NRXN1: variants seen among roughly 807,000 people sequenced by gnomAD.
The protein encoded by NRXN1 is neurexin 1, also known as neurexin-1.
NRXN1 carries 39 observed loss-of-function variants against 150.9 expected under a neutral mutation model. The ratio of observed to expected loss-of-function variants is 0.26; its 90% CI spans 0.20 to 0.34. NRXN1 has a LOEUF of 0.34. Among genes scored for constraint, NRXN1 ranks in the 10% least tolerant of loss-of-function variants. NRXN1 has a pLI of 1.00. For missense variants in NRXN1, 1,815 were observed against 1,949.9 expected (o/e 0.93, Z 1.30); for synonymous variants, 924 against 757.0 (o/e 1.22, Z -3.62).
intron 5 of NRXN1, among the ~76,000 whole-genome samples, chr2:50,886,830 T>G (rs907706841): frequency 1.3e-5 from 2 of 151,412 alleles, no homozygotes; most frequent in African/African-American, 4.8e-5. Context: ...TATTATACTT[T>G]GGAGAGCCCA....
chr2:50,738,561 A>G (rs994797160), intron 5 of NRXN1, among the ~76,000 whole-genome samples: 5 of 152,226 alleles, frequency 3.3e-5, no homozygotes, highest in African/African-American at 1.2e-4. Context: ...CAGTAAGCAG[A>G]GAATGCAAGA....
intron 19 of NRXN1, among the ~76,000 whole-genome samples, chr2:50,071,671 CTG>C (rs1157038540): frequency 1.3e-5 from 2 of 152,182 alleles, no homozygotes; most frequent in East Asian, 3.9e-4. Context: ...AGCTACCACT[CTG>C]TGGTATTTTG....
chr2:51,019,650 T>C (rs540635855), intron 2 of NRXN1, among the ~76,000 whole-genome samples: 1 of 152,284 alleles, frequency 6.6e-6, no homozygotes, highest in African/African-American at 2.4e-5. Flanking sequence ...TCTTACAAAA[T>C]ACTCATCATT....
At chr2:50,976,374 C>T (rs1009110301) in intron 2 of NRXN1, among the ~76,000 whole-genome samples, 5 of 151,718 alleles carry the variant, frequency 3.3e-5, no homozygotes, top group South Asian at 2.1e-4. Context: ...AAATTGAATG[C>T]TGTGTTATCT....
intron 17 of NRXN1, among the ~76,000 whole-genome samples, chr2:50,279,167 G>A (rs774756646): frequency 2.0e-5 from 3 of 152,112 alleles, no homozygotes; most frequent in Admixed American, 6.5e-5. Flanking sequence ...GTTACTACTT[G>A]TACCTTTTCC....
intron 2 of NRXN1, among the ~76,000 whole-genome samples, chr2:50,945,846 C>T (rs767709443): frequency 1.3e-4 from 20 of 148,784 alleles, no homozygotes; most frequent in Non-Finnish European, 2.1e-4. Flanking sequence ...AAACAAGTGA[C>T]TCCAAAATAT....
intron 12 of NRXN1, among the ~76,000 whole-genome samples, chr2:50,508,310 A>G (rs1558853691): frequency 6.6e-6 from 1 of 152,166 alleles, no homozygotes; most frequent in Non-Finnish European, 1.5e-5. Context: ...TATTCTAGAT[A>G]TAACAGTTTT....
intron 2 of NRXN1, among the ~76,000 whole-genome samples, chr2:50,936,204 G>A (rs1181215861): frequency 1.3e-5 from 2 of 152,118 alleles, no homozygotes; most frequent in Admixed American, 6.6e-5. Flanking sequence ...TCAGCACCAT[G>A]CTCTAACCAA....
At chr2:50,176,738 C>A (rs2060375851) in intron 18 of NRXN1, among the ~76,000 whole-genome samples, 1 of 152,098 alleles carries the variant, frequency 6.6e-6, no homozygotes, top group Admixed American at 6.6e-5. Context: ...GAAAACATCA[C>A]TTGTCCAATA....
intron 5 of NRXN1, among the ~76,000 whole-genome samples, chr2:50,705,527 G>C (rs1694316333): frequency 6.6e-6 from 1 of 152,234 alleles, no homozygotes; most frequent in Middle Eastern, 3.4e-3. Flanking sequence ...AAGTGATCTG[G>C]CACTATGAAT....
intron 5 of NRXN1, among the ~76,000 whole-genome samples, chr2:50,816,558 G>A (rs1205227840): frequency 2.6e-5 from 4 of 152,214 alleles, no homozygotes; most frequent in African/African-American, 2.4e-5. Context: ...TTTATCTTGC[G>A]TTATGCTTTT....
intron 5 of NRXN1, among the ~76,000 whole-genome samples, chr2:50,767,180 A>C (rs1362222974): frequency 6.6e-6 from 1 of 152,080 alleles, no homozygotes; most frequent in Non-Finnish European, 1.5e-5. Context: ...AATTGTGGAC[A>C]TTCTTGGAGT....
At chr2:50,925,909 G>C in intron 3 of NRXN1, 29 bp downstream of exon 3, 1 of 1,547,248 alleles carries the variant, frequency 6.5e-7, no homozygotes, top group South Asian at 1.2e-5. Flanking sequence ...ACAAATGAGA[G>C]TTGGAAAAAT....
chr2:50,855,117 G>A (rs1675085023), intron 5 of NRXN1, among the ~76,000 whole-genome samples: 1 of 151,846 alleles, frequency 6.6e-6, no homozygotes, highest in African/African-American at 2.4e-5. Flanking sequence ...GGAAGAACGT[G>A]GTGCAGTGGG....
At chr2:50,835,494 A>G (rs759926299) in intron 5 of NRXN1, among the ~76,000 whole-genome samples, 73 of 152,198 alleles carry the variant, frequency 4.8e-4, no homozygotes, top group Non-Finnish European at 8.4e-4. Context: ...TGAAAGGCAA[A>G]GCAAATTTTA....
intron 19 of NRXN1, among the ~76,000 whole-genome samples, chr2:50,061,985 G>T (rs902758718): frequency 6.6e-6 from 1 of 152,032 alleles, no homozygotes; most frequent in Non-Finnish European, 1.5e-5. Context: ...TAATGCCATT[G>T]CAACAAGGTA....
At chr2:50,000,733 G>C (rs765780563) in intron 21 of NRXN1, among the ~76,000 whole-genome samples, 1 of 152,070 alleles carries the variant, frequency 6.6e-6, no homozygotes, top group Non-Finnish European at 1.5e-5. Flanking sequence ...GTGTACAAAG[G>C]GTATCTGGAT....
chr2:50,348,300 G>C (rs1439359179), intron 17 of NRXN1, among the ~76,000 whole-genome samples: 3 of 152,182 alleles, frequency 2.0e-5, no homozygotes, highest in Non-Finnish European at 4.4e-5. Context: ...CACAAGGAGG[G>C]AAAAGGATGC....
chr2:50,865,455 T>C (rs66848903), intron 5 of NRXN1, among the ~76,000 whole-genome samples: 26,438 of 151,374 alleles, frequency 0.17, 2,430 homozygotes, highest in Middle Eastern at 0.21. Context: ...TTTTGGAGGA[T>C]CTCCAGGATC....
Sources: allele counts gnomAD v4.1 joint callset (sites outside exome capture counted in the v4.1 genomes callset), GRCh38; gene constraint gnomAD v4.1.1; transcripts MANE v1.5; gene names NCBI Gene and HGNC (gene_info 2026-07-23, HGNC 2026-07-21).